RARB: variants seen among roughly 807,000 people sequenced by gnomAD.
RARB encodes the protein HBV-activated protein.
A neutral mutation model predicts 51.9 loss-of-function variants in RARB; 17 were observed. The observed-to-expected ratio is 0.33, with a 90% CI of 0.22 to 0.49. The LOEUF (loss-of-function observed/expected upper bound fraction) is 0.49, where lower values mean the gene tolerates loss of function less well. Ranked by LOEUF, RARB falls within the 20% of genes least tolerant of loss-of-function variation. The probability of loss-of-function intolerance (pLI) is 0.99; values close to 1 mark genes in which losing one functional copy is unlikely to be tolerated. For missense variants in RARB, 369 were observed against 550.8 expected (o/e 0.67, Z 3.30); for synonymous variants, 215 against 195.4 (o/e 1.10, Z -0.84).
intron 4 of RARB, among the ~76,000 whole-genome samples, chr3:25,136,222 G>A (rs7616818): frequency 0.57 from 86,835 of 151,756 alleles, 25,117 homozygotes; most frequent in East Asian, 0.7. Context: ...TTTACTCAAA[G>A]GGCTTATTAA....
At chr3:25,372,530 A>G (rs1706331699) in intron 5 of RARB, among the ~76,000 whole-genome samples, 2 of 152,332 alleles carry the variant, frequency 1.3e-5, no homozygotes, top group South Asian at 4.1e-4. Context: ...TAACTGCAGA[A>G]AGAGAAATGA....
chr3:24,957,910 A>G (rs868667644), intron 2 of RARB, among the ~76,000 whole-genome samples: 2 of 152,374 alleles, frequency 1.3e-5, no homozygotes, highest in South Asian at 2.1e-4. Flanking sequence ...ATAGGTGTAT[A>G]TAACTCCAAG....
chr3:24,918,830 G>A (rs1249593782), intron 2 of RARB, among the ~76,000 whole-genome samples: 1 of 152,200 alleles, frequency 6.6e-6, no homozygotes, highest in Non-Finnish European at 1.5e-5. Context: ...TGCAGAGGTT[G>A]CAGTGAGCCA....
In RARB at chr3:25,191,149, A is replaced by G. The variant is rs566849830; in HGVS notation, c.178+16574A>G. ...ATGTATTAAAAGGGCATTTTAGTCC[A>G]TGAAAAAAATAGGGGAAAGTTTTCA... On this transcript the variant is annotated intron_variant, in intron 5 of 11. Transcript: ENST00000383772. Among the ~76,000 whole-genome samples the G allele has an allele frequency of 1.2e-4, 19 of 152,234 alleles. 1 individual carries two copies. The highest frequency in any genetic ancestry group is 3.8e-4 in the African/African-American group (16 of 41,564).
At chr3:24,906,467 G>A (rs1444229601) in intron 2 of RARB, among the ~76,000 whole-genome samples, 1 of 152,154 alleles carries the variant, frequency 6.6e-6, no homozygotes, top group East Asian at 1.9e-4. Context: ...AAAAGTACTT[G>A]AGTGTGAATT....
chr3:25,329,660 G>A (rs140180632), intron 5 of RARB, among the ~76,000 whole-genome samples: 74 of 152,330 alleles, frequency 4.9e-4, no homozygotes, highest in African/African-American at 1.8e-3. Flanking sequence ...GATGGAGAAT[G>A]ACTTTGATGA....
At chr3:25,474,611 C>T (rs1200199426) in intron 2 of RARB, among the ~76,000 whole-genome samples, 7 of 152,112 alleles carry the variant, frequency 4.6e-5, no homozygotes, top group East Asian at 1.9e-4. Context: ...TTGTCAATCT[C>T]ATGATTTCAT....
chr3:24,952,413 A>G (rs34373965), intron 2 of RARB, among the ~76,000 whole-genome samples: 43,604 of 151,986 alleles, frequency 0.29, 6,435 homozygotes, highest in East Asian at 0.43. Flanking sequence ...ACCCTCTCAA[A>G]AATTCTTTTC....
chr3:25,260,579 G>A (rs370143851), intron 5 of RARB, among the ~76,000 whole-genome samples: 1 of 152,072 alleles, frequency 6.6e-6, no homozygotes, highest in Non-Finnish European at 1.5e-5. Flanking sequence ...ATTGAGCCAA[G>A]TCTTATAAAC....
intron 5 of RARB, among the ~76,000 whole-genome samples, chr3:25,206,693 T>C (rs557160886): frequency 5.6e-4 from 85 of 152,172 alleles, no homozygotes; most frequent in Non-Finnish European, 1.0e-3. Context: ...ACAAAAATTA[T>C]GTTGGGGTTA....
chr3:24,942,425 C>T (rs1695686611), intron 2 of RARB, among the ~76,000 whole-genome samples: 1 of 152,122 alleles, frequency 6.6e-6, no homozygotes, highest in South Asian at 2.1e-4. Context: ...GAAGAGGTGG[C>T]TTGGGATGCA....
chr3:25,078,127 T>G (rs1243967199), intron 3 of RARB, among the ~76,000 whole-genome samples: 1 of 152,176 alleles, frequency 6.6e-6, no homozygotes, highest in Non-Finnish European at 1.5e-5. Context: ...TTTTGAGAAA[T>G]AGAAGTTTTT....
chr3:25,569,628 A>G, intron 3 of RARB, 130 bp from the exon 4 acceptor site: 1 of 1,093,432 alleles, frequency 9.1e-7, no homozygotes, highest in Non-Finnish European at 1.3e-6. Context: ...TGTTATTACC[A>G]CCTCTTCCCA....
intron 5 of RARB, among the ~76,000 whole-genome samples, chr3:25,380,676 G>A (rs61265989): frequency 0.025 from 3,850 of 152,192 alleles, 117 homozygotes; most frequent in African/African-American, 0.066. Context: ...AAAAGATTGC[G>A]AAATATTCTA....
intron 4 of RARB, among the ~76,000 whole-genome samples, chr3:25,134,728 A>G (rs1483304127): frequency 1.3e-5 from 2 of 150,848 alleles, no homozygotes. Flanking sequence ...GAATTGAGTG[A>G]TTTATTTTTT....
chr3:25,531,390 A>T lies in RARB; in HGVS notation c.448+30067A>T, dbSNP rs531568273. Among the ~76,000 whole-genome samples, 34 of 38,776 alleles carry T rather than the reference A, an allele frequency of 8.8e-4. No individual in the cohort carries two copies. In the East Asian group the frequency reaches 0.02, roughly 23 times the overall value. 25.4% of individuals were successfully genotyped at this position (38,776 alleles called of 152,430 possible). On this transcript the variant is annotated intron_variant, in intron 3 of 7. Coordinates refer to ENST00000330688, the MANE Select transcript of RARB (RefSeq NM_000965.5). ...TAGATAGGTAGATAGATAGATAGGT[A>T]GATAGATAGATAGATAGATAGATAG...
intron 1 of RARB, among the ~76,000 whole-genome samples, chr3:25,455,981 T>C (rs748507541): frequency 1.7e-4 from 26 of 152,254 alleles, no homozygotes; most frequent in Non-Finnish European, 3.7e-4. Flanking sequence ...TTTTATTGAA[T>C]GACACAAGCC....
At chr3:24,921,372 C>G (rs758317974) in intron 2 of RARB, among the ~76,000 whole-genome samples, 16 of 152,158 alleles carry the variant, frequency 1.1e-4, no homozygotes, top group South Asian at 2.1e-4. Flanking sequence ...GAAGAAAGCA[C>G]TACATGCTTC....
chr3:25,329,783 T>C (rs571465130), intron 5 of RARB, among the ~76,000 whole-genome samples: 1 of 152,090 alleles, frequency 6.6e-6, no homozygotes, highest in East Asian at 1.9e-4. Flanking sequence ...ATTAGACAAA[T>C]GGCTAACTAG....
Sources: allele counts gnomAD v4.1 joint callset (sites outside exome capture counted in the v4.1 genomes callset), GRCh38; gene constraint gnomAD v4.1.1; transcripts MANE v1.5; gene names NCBI Gene and HGNC (gene_info 2026-07-23, HGNC 2026-07-21).